Variants in RELN observed in about 807,000 individuals in gnomAD.
The protein encoded by RELN is reelin.
RELN carries 108 observed loss-of-function variants against 427.6 expected under a neutral mutation model. The observed-to-expected ratio is 0.25, with a 90% CI of 0.22 to 0.30. The LOEUF is 0.30. Among genes scored for constraint, RELN ranks in the 10% least tolerant of loss-of-function variants. The pLI is 1.00. For missense variants in RELN, 3,715 were observed against 4,302.8 expected (o/e 0.86, Z 3.82); for synonymous variants, 1,524 against 1,513.4 (o/e 1.01, Z -0.16).
intron 8 of RELN, among the ~76,000 whole-genome samples, chr7:103,720,557 G>C (rs902558244): frequency 2.0e-5 from 3 of 152,168 alleles, no homozygotes; most frequent in Non-Finnish European, 1.5e-5. Flanking sequence ...ATTATTATTA[G>C]TATAGATTTG....
At chr7:103,917,217 A>C (rs757623757) in intron 1 of RELN, 32 bp from the exon 2 acceptor site, 9 of 1,466,610 alleles carry the variant, frequency 6.1e-6, no homozygotes, top group Non-Finnish European at 9.6e-7. Flanking sequence ...AAAAACTCTC[A>C]ATACAGTCAG....
At chr7:103,619,945 T>C (rs1049044446) in intron 20 of RELN, among the ~76,000 whole-genome samples, 1 of 152,184 alleles carries the variant, frequency 6.6e-6, no homozygotes, top group Non-Finnish European at 1.5e-5. Flanking sequence ...AATGTGGGAA[T>C]GAAGGTGATC....
At chr7:103,917,772 A>G (rs1281977766) in intron 1 of RELN, among the ~76,000 whole-genome samples, 2 of 152,162 alleles carry the variant, frequency 1.3e-5, no homozygotes, top group African/African-American at 4.8e-5. Context: ...GTTTGAGAAC[A>G]AAGTCTGGAA....
chr7:103,677,204 T>G, intron 11 of RELN, among the ~76,000 whole-genome samples: 1 of 148,966 alleles, frequency 6.7e-6, no homozygotes, highest in South Asian at 2.2e-4. Flanking sequence ...TAAGTGGGAG[T>G]TGAACAATAA....
chr7:103,604,932 C>A (rs954502682), intron 22 of RELN, among the ~76,000 whole-genome samples: 1 of 150,830 alleles, frequency 6.6e-6, no homozygotes, highest in Non-Finnish European at 1.5e-5. Flanking sequence ...TGGGTTCAAG[C>A]CATTATCTTG....
intron 64 of RELN, among the ~76,000 whole-genome samples, chr7:103,475,360 G>C (rs1220454266): frequency 6.6e-6 from 1 of 152,006 alleles, no homozygotes; most frequent in Non-Finnish European, 1.5e-5. Context: ...CCATAGCACT[G>C]AGCCTCCTGC....
At chr7:103,587,462 G>T (rs1831303332) in intron 28 of RELN, among the ~76,000 whole-genome samples, 1 of 152,022 alleles carries the variant, frequency 6.6e-6, no homozygotes, top group South Asian at 2.1e-4. Flanking sequence ...CTGGATATTG[G>T]TCTAAAAAGA....
At position 103,475,767 on chromosome 7, in the gene RELN, T is replaced by C. The variant is rs541193533; in HGVS notation, c.10286+2622A>G. On this transcript the variant is annotated intron_variant, in intron 64 of 64. Coordinates refer to ENST00000428762, the MANE Select transcript of RELN (RefSeq NM_005045.4). ...AGCTGATTGAAAGTCTCCATCTTTATAGGTGAGAAAATAAATACTAGCAGG... is the reference window on the plus strand; with the variant it reads ...AGCTGATTGAAAGTCTCCATCTTTACAGGTGAGAAAATAAATACTAGCAGG... Among the ~76,000 whole-genome samples, 43 of 152,330 alleles carry C rather than the reference T, an allele frequency of 2.8e-4. 1 individual carries two copies. The South Asian group carries it at 8.3e-3, about 29-fold the overall frequency.
At chr7:103,523,604 T>C in intron 46 of RELN, 73 bp from the exon 47 acceptor site, 1 of 1,460,288 alleles carries the variant, frequency 6.8e-7, no homozygotes, top group African/African-American at 1.4e-5. Flanking sequence ...TTTGAACAAG[T>C]GCATGGAGAA....
In RELN at chr7:103,776,720, TTTA is replaced by T. The variant is rs780248790; in HGVS notation, c.474-96_474-94del. On this transcript the variant is annotated intron_variant, in intron 3 of 64. Coordinates refer to ENST00000428762, the MANE Select transcript of RELN (RefSeq NM_005045.4). ...CTTTTTAAAAAGCTTATTCTTAAAC[TTTA>T]TTGTGTGGATATGATATTTTTAATG... 61 of 1,236,604 alleles carry T rather than the reference TTTA, an allele frequency of 4.9e-5. No individual in the cohort carries two copies. The Middle Eastern group carries it at 1.7e-3, about 34-fold the overall frequency. The allele number at this position is 1,236,604 out of a possible 1,614,324, so 76.6% of individuals were successfully genotyped here.
At chr7:103,557,804 CTTACA>C (rs1044758455) in intron 37 of RELN, among the ~76,000 whole-genome samples, 156 bp downstream of exon 37, 1 of 151,884 alleles carries the variant, frequency 6.6e-6, no homozygotes, top group African/African-American at 2.4e-5. Flanking sequence ...TTAAGATAAA[CTTACA>C]TTAAAGAAAA....
chr7:103,693,573 A>T (rs887624321), intron 10 of RELN, among the ~76,000 whole-genome samples: 1 of 149,454 alleles, frequency 6.7e-6, no homozygotes, highest in Non-Finnish European at 1.5e-5. Context: ...TAAAGGATGA[A>T]AAAAGGTAAA....
chr7:103,536,310 C>CT (rs1491464718), intron 45 of RELN, among the ~76,000 whole-genome samples: 2 of 152,148 alleles, frequency 1.3e-5, no homozygotes, highest in African/African-American at 4.8e-5. Flanking sequence ...CCCATACCCC[C>CT]TGTCTTTTAT....
intron 6 of RELN, among the ~76,000 whole-genome samples, chr7:103,745,443 G>C (rs1281126737): frequency 6.7e-6 from 1 of 148,696 alleles, no homozygotes; most frequent in African/African-American, 2.6e-5. Flanking sequence ...AGGAAATAAA[G>C]GGTATTCAAT....
At chr7:103,836,087 C>A (rs1392905746) in intron 2 of RELN, among the ~76,000 whole-genome samples, 1 of 151,936 alleles carries the variant, frequency 6.6e-6, no homozygotes, top group Non-Finnish European at 1.5e-5. Context: ...CTCAGCCTCC[C>A]GAGTAGCTGG....
In RELN at chr7:103,701,336, T is replaced by C. The variant is rs146844566; in HGVS notation, c.806-330A>G. ...TATGGGGTGACTTATAAGGTCATTATGGTTCTTGCAAGTTAGTATCAATTA... is the reference window on the plus strand; with the variant it reads ...TATGGGGTGACTTATAAGGTCATTACGGTTCTTGCAAGTTAGTATCAATTA... On this transcript the variant is annotated intron_variant, in intron 8 of 64. Transcript: ENST00000428762. Among the ~76,000 whole-genome samples, 1,427 of 152,256 alleles carry C rather than the reference T, an allele frequency of 9.4e-3. 14 individuals carry two copies. Among genetic ancestry groups the C allele is most frequent in the Non-Finnish European group, 0.016 (1,094 of 67,966 alleles).
At chr7:103,637,907 T>C (rs1832617269) in intron 17 of RELN, among the ~76,000 whole-genome samples, 1 of 152,202 alleles carries the variant, frequency 6.6e-6, no homozygotes, top group South Asian at 2.1e-4. Context: ...GTATCTTAAA[T>C]GTGTCTTCTC....
intron 8 of RELN, among the ~76,000 whole-genome samples, chr7:103,702,695 T>C (rs572767142): frequency 1.1e-4 from 17 of 152,326 alleles, no homozygotes; most frequent in African/African-American, 3.8e-4. Context: ...CATTTTCTTA[T>C]ATCTAAAACA....
chr7:103,781,680 C>T (rs1791894152), intron 3 of RELN, among the ~76,000 whole-genome samples: 2 of 152,050 alleles, frequency 1.3e-5, no homozygotes, highest in South Asian at 4.2e-4. Context: ...AACCACCCAG[C>T]CCCTGATAAC....
Sources: gnomAD v4.1 joint callset for allele counts (sites outside exome capture counted in the v4.1 genomes callset) on GRCh38, gnomAD v4.1.1 for gene constraint, MANE v1.5 for transcripts, NCBI Gene and HGNC (gene_info 2026-07-23, HGNC 2026-07-21) for gene names.